KCNK13: variants seen among roughly 807,000 people sequenced by gnomAD.
KCNK13 encodes potassium two pore domain channel subfamily K member 13.
In KCNK13, 12 loss-of-function variants were observed where a neutral mutation model predicts 23.4. The ratio of observed to expected loss-of-function variants is 0.51; its 90% CI spans 0.33 to 0.83. KCNK13 has a LOEUF of 0.83. Among genes scored for constraint, KCNK13 ranks in the 40% least tolerant of loss-of-function variants. KCNK13 has a pLI of 0.02. For synonymous variants in KCNK13, 231 were observed against 229.5 expected (o/e 1.01, Z -0.06); for missense variants, 463 against 556.3 (o/e 0.83, Z 1.69).
chr14:90,111,950 G>A (rs553047107), intron 1 of KCNK13, among the ~76,000 whole-genome samples: 36 of 152,192 alleles, frequency 2.4e-4, no homozygotes, highest in African/African-American at 3.1e-4. Flanking sequence ...CACTCCTCCC[G>A]GGGAGTCTAA....
intron 1 of KCNK13, among the ~76,000 whole-genome samples, chr14:90,135,713 C>A (rs952045574): frequency 1.3e-5 from 2 of 152,078 alleles, no homozygotes; most frequent in African/African-American, 4.8e-5. Flanking sequence ...AAGCTTTAAG[C>A]CATGCTGGTG....
intron 1 of KCNK13, among the ~76,000 whole-genome samples, chr14:90,160,337 CA>C (rs1379672308): frequency 6.6e-6 from 1 of 152,108 alleles, no homozygotes; most frequent in East Asian, 1.9e-4. Context: ...CTCAAAAGCA[CA>C]AAGAGAGAAC....
chr14:90,151,268 T>C (rs1320166665), intron 1 of KCNK13, among the ~76,000 whole-genome samples: 1 of 152,192 alleles, frequency 6.6e-6, no homozygotes, highest in Admixed American at 6.5e-5. Context: ...CCACCAACAG[T>C]GTACAAGAGT....
At chr14:90,143,319 C>T (rs958404686) in intron 1 of KCNK13, among the ~76,000 whole-genome samples, 1 of 151,612 alleles carries the variant, frequency 6.6e-6, no homozygotes. Context: ...GCCATCCTCC[C>T]TCCTCAGCCT....
intron 1 of KCNK13, among the ~76,000 whole-genome samples, chr14:90,119,533 T>C (rs993843454): frequency 1.3e-5 from 2 of 152,154 alleles, no homozygotes; most frequent in Admixed American, 1.3e-4. Context: ...AACTAGTTAC[T>C]AGAAAAATGC....
intron 1 of KCNK13, among the ~76,000 whole-genome samples, chr14:90,094,307 C>G (rs1889382589): frequency 6.6e-6 from 1 of 152,140 alleles, no homozygotes; most frequent in Admixed American, 6.6e-5. Context: ...TCTGACAGCC[C>G]CAAGTACTAT....
At chr14:90,081,350 A>G (rs551315456) in intron 1 of KCNK13, among the ~76,000 whole-genome samples, 6 of 152,236 alleles carry the variant, frequency 3.9e-5, no homozygotes, top group Non-Finnish European at 8.8e-5. Flanking sequence ...ATTTCAAAGT[A>G]TTTAAAGTAA....
At chr14:90,116,031 G>T (rs1889673013) in intron 1 of KCNK13, among the ~76,000 whole-genome samples, 1 of 152,194 alleles carries the variant, frequency 6.6e-6, no homozygotes, top group Non-Finnish European at 1.5e-5. Context: ...TAAATGGAAT[G>T]ATTCCAAGCA....
chr14:90,170,275 G>A (rs543281397), intron 1 of KCNK13, among the ~76,000 whole-genome samples: 1 of 152,144 alleles, frequency 6.6e-6, no homozygotes, highest in African/African-American at 2.4e-5. Flanking sequence ...GTGCGGTGGT[G>A]CAATCCCAGC....
At chr14:90,101,792 A>AAAAAAAAAAAAAAAAAAAC (rs1889482227) in intron 1 of KCNK13, among the ~76,000 whole-genome samples, 1 of 103,176 alleles carries the variant, frequency 9.7e-6, no homozygotes, top group African/African-American at 4.7e-5. Flanking sequence ...TCCGTCTCCA[A>AAAAAAAAAAAAAAAAAAAC]AAAAAAAAAA....
intron 1 of KCNK13, among the ~76,000 whole-genome samples, chr14:90,162,618 T>A (rs544367636): frequency 6.6e-6 from 1 of 152,344 alleles, no homozygotes; most frequent in East Asian, 1.9e-4. Flanking sequence ...ATAAACTTTT[T>A]AAAATGTTAT....
chr14:90,161,460 A>G (rs1421076864), intron 1 of KCNK13, among the ~76,000 whole-genome samples: 4 of 152,206 alleles, frequency 2.6e-5, no homozygotes, highest in Non-Finnish European at 4.4e-5. Flanking sequence ...GTATTTTACC[A>G]CTATAAAAAT....
At chr14:90,073,108 C>T (rs997509868) in intron 1 of KCNK13, among the ~76,000 whole-genome samples, 1 of 152,134 alleles carries the variant, frequency 6.6e-6, no homozygotes. Context: ...CCTTTTCTTC[C>T]TTTAGGGTCC....
intron 1 of KCNK13, among the ~76,000 whole-genome samples, chr14:90,180,870 T>G (rs1890476912): frequency 6.6e-6 from 1 of 152,130 alleles, no homozygotes; most frequent in African/African-American, 2.4e-5. Flanking sequence ...TTTTTTCTTT[T>G]TTTTTCAGAC....
At chr14:90,144,706 G>T (rs547006106) in intron 1 of KCNK13, among the ~76,000 whole-genome samples, 21 of 151,894 alleles carry the variant, frequency 1.4e-4, no homozygotes, top group Non-Finnish European at 2.2e-4. Context: ...TAATCTACCC[G>T]CCTCAGCCTC....
At chr14:90,075,880 T>C (rs759344602) in intron 1 of KCNK13, among the ~76,000 whole-genome samples, 6 of 152,214 alleles carry the variant, frequency 3.9e-5, no homozygotes, top group Non-Finnish European at 7.3e-5. Context: ...TTAAACCCCA[T>C]TGGATCTCCT....
intron 1 of KCNK13, among the ~76,000 whole-genome samples, chr14:90,115,329 G>C (rs1889663725): frequency 6.6e-6 from 1 of 152,140 alleles, no homozygotes; most frequent in African/African-American, 2.4e-5. Flanking sequence ...CGCTCCTGCT[G>C]GTCACTGGGC....
At chr14:90,112,625 G>A (rs1889629182) in intron 1 of KCNK13, among the ~76,000 whole-genome samples, 1 of 152,122 alleles carries the variant, frequency 6.6e-6, no homozygotes. Flanking sequence ...TACAACAACT[G>A]AACTGCAAAA....
chr14:90,094,455 T>G (rs1396075470), intron 1 of KCNK13, among the ~76,000 whole-genome samples: 1 of 152,096 alleles, frequency 6.6e-6, no homozygotes. Flanking sequence ...ATGGAGTACT[T>G]GCTTAACTTG....
Sources: gnomAD v4.1 joint callset for allele counts (sites outside exome capture counted in the v4.1 genomes callset) on GRCh38, gnomAD v4.1.1 for gene constraint, MANE v1.5 for transcripts, NCBI Gene and HGNC (gene_info 2026-07-23, HGNC 2026-07-21) for gene names.